RORA: variants seen among roughly 807,000 people sequenced by gnomAD.
RORA encodes nuclear receptor ROR-alpha.
RORA carries 7 observed loss-of-function variants against 69.5 expected under a neutral mutation model. That is an observed-to-expected ratio of 0.10 (90% confidence interval 0.06 to 0.19). The LOEUF (loss-of-function observed/expected upper bound fraction) is 0.19. Among genes scored for constraint, RORA ranks in the 10% least tolerant of loss-of-function variants. The pLI, the probability that RORA is intolerant of heterozygous loss-of-function variation, is 1.00. For synonymous variants in RORA, 261 were observed against 240.8 expected, an observed-to-expected ratio of 1.08 and a Z score of -0.78; for missense variants, 457 against 663.0, an observed-to-expected ratio of 0.69 and a Z score of 3.41.
At chr15:60,621,288 T>G (rs1378177498) in intron 2 of RORA, among the ~76,000 whole-genome samples, 2 of 152,184 alleles carry the variant, frequency 1.3e-5, no homozygotes, top group African/African-American at 4.8e-5. Context: ...CCATCCATTT[T>G]TTAACAAACA....
At chr15:61,085,132 A>G (rs1039778953) in intron 1 of RORA, among the ~76,000 whole-genome samples, 1 of 152,162 alleles carries the variant, frequency 6.6e-6, no homozygotes, top group East Asian at 1.9e-4. Flanking sequence ...AGGCTTTTAA[A>G]CAGAGAGAGA....
At chr15:60,815,285 A>G (rs184127731) in intron 1 of RORA, among the ~76,000 whole-genome samples, 1 of 152,250 alleles carries the variant, frequency 6.6e-6, no homozygotes, top group Admixed American at 6.5e-5. Context: ...CATTTAAGGA[A>G]CTGTATTAGA....
chr15:61,013,344 G>A (rs905967361), intron 1 of RORA, among the ~76,000 whole-genome samples: 2 of 152,168 alleles, frequency 1.3e-5, no homozygotes, highest in African/African-American at 2.4e-5. Flanking sequence ...GACAGAGACC[G>A]CATGGCCCAT....
Position 60,841,885 on chromosome 15 carries a change from A to C in RORA, c.167-163199T>G, listed in dbSNP as rs118053081. ...CCTTTTTGAGAAAAGCAGGATACAA[A>C]TGAATCAATGTGCCAAGCAGTGCCC... On this transcript the variant is annotated intron_variant, in intron 1 of 10. Coordinates refer to ENST00000335670, the MANE Select transcript of RORA (RefSeq NM_134261.3). 4.6e-5 allele frequency among the ~76,000 whole-genome samples: 7 copies of C among 152,314 alleles called. No homozygotes were observed. The East Asian group carries it at 1.4e-3, about 29-fold the overall frequency.
chr15:60,911,343 C>G (rs147029985), intron 1 of RORA, among the ~76,000 whole-genome samples: 1 of 152,070 alleles, frequency 6.6e-6, no homozygotes, highest in Non-Finnish European at 1.5e-5. Flanking sequence ...CTTCAACACA[C>G]CTTCTGCTCT....
rs2073401698 is a variant in RORA, at chr15:60,858,294, A to G, written c.167-179608T>C. Among the ~76,000 whole-genome samples the G allele has an allele frequency of 2.0e-5, 3 of 152,174 alleles. No homozygotes were observed. In the South Asian group the frequency reaches 6.2e-4, roughly 32 times the overall value. On this transcript the variant is annotated intron_variant, in intron 1 of 10. Coordinates refer to ENST00000335670, the MANE Select transcript of RORA (RefSeq NM_134261.3). ...GATAGGTGGAAGGCTTGTGGGTGAG[A>G]GCTGTGTACACTTCTAAGCAAGTTT... is the stretch of plus-strand genomic sequence containing the variant.
intron 2 of RORA, among the ~76,000 whole-genome samples, chr15:60,650,468 C>T (rs1040600050): frequency 6.6e-6 from 1 of 152,146 alleles, no homozygotes; most frequent in East Asian, 1.9e-4. Context: ...GGGGAAAGCA[C>T]GATGGTTCAC....
chr15:60,570,261 G>A (rs925989874), intron 2 of RORA, among the ~76,000 whole-genome samples: 3 of 152,146 alleles, frequency 2.0e-5, no homozygotes, highest in Admixed American at 6.5e-5. Flanking sequence ...ATATGGTACC[G>A]TATTAACAAG....
At chr15:61,050,839 GGGTGAGGAAACCAA>G (rs984125570) in intron 1 of RORA, among the ~76,000 whole-genome samples, 6 of 152,168 alleles carry the variant, frequency 3.9e-5, no homozygotes, top group African/African-American at 1.4e-4. Flanking sequence ...CCCAGTTTAT[GGGTGAGGAAACCAA>G]GTCTTAGGTT....
intron 1 of RORA, among the ~76,000 whole-genome samples, chr15:61,032,446 T>C (rs1041536240): frequency 1.1e-4 from 17 of 152,204 alleles, no homozygotes; most frequent in African/African-American, 3.9e-4. Context: ...AAATTAAAAG[T>C]TGGTTTTCAA....
intron 1 of RORA, among the ~76,000 whole-genome samples, chr15:60,738,186 T>C (rs1012873435): frequency 1.3e-5 from 2 of 152,228 alleles, no homozygotes; most frequent in Non-Finnish European, 2.9e-5. Flanking sequence ...GCTTCAGCTA[T>C]AGCCAAACAT....
chr15:61,018,747 A>C (rs1895396380), intron 1 of RORA, among the ~76,000 whole-genome samples: 1 of 152,222 alleles, frequency 6.6e-6, no homozygotes, highest in Non-Finnish European at 1.5e-5. Context: ...AACACATATG[A>C]GTACGTATGT....
chr15:61,180,567 C>A (rs1013927963), intron 1 of RORA, among the ~76,000 whole-genome samples: 1 of 152,214 alleles, frequency 6.6e-6, no homozygotes, highest in Non-Finnish European at 1.5e-5. Flanking sequence ...GTTTGGACAA[C>A]ACCTCTTCCA....
intron 1 of RORA, among the ~76,000 whole-genome samples, chr15:60,790,025 C>A (rs341449): frequency 9.7e-4 from 148 of 152,318 alleles, no homozygotes; most frequent in African/African-American, 3.5e-3. Flanking sequence ...ATTTCCAAGA[C>A]TCACCTTCCT....
At chr15:60,873,923 A>T (rs1285834614) in intron 1 of RORA, among the ~76,000 whole-genome samples, 2 of 152,232 alleles carry the variant, frequency 1.3e-5, no homozygotes, top group East Asian at 3.8e-4. Flanking sequence ...AATGCAAAGC[A>T]GTCTGTCTAT....
rs114274379 is a variant in RORA, at chr15:60,750,633, A to G, written c.167-71947T>C. On this transcript the variant is annotated intron_variant, in intron 1 of 10. Transcript: ENST00000335670. ...AATCTTTCAAGGAGAGAGGACATCA[A>G]ACTGAGATTAGATTAGAGGAAAAAG... is the stretch of plus-strand genomic sequence containing the variant. 4.3e-3 allele frequency among the ~76,000 whole-genome samples: 658 copies of G among 152,338 alleles called. 6 individuals carry two copies. The highest frequency in any genetic ancestry group is 0.014 in the African/African-American group (601 of 41,580).
chr15:60,610,226 C>G (rs1169189921), intron 2 of RORA, among the ~76,000 whole-genome samples: 1 of 138,322 alleles, frequency 7.2e-6, no homozygotes, highest in Non-Finnish European at 1.6e-5. Context: ...ACACACACTA[C>G]ACACACACAG....
intron 1 of RORA, among the ~76,000 whole-genome samples, chr15:60,777,121 C>G (rs1421317965): frequency 6.6e-6 from 1 of 152,128 alleles, no homozygotes; most frequent in East Asian, 1.9e-4. Flanking sequence ...TCTAAAACAC[C>G]AGGAGCCCTT....
chr15:60,959,481 C>T (rs1274947392), intron 1 of RORA, among the ~76,000 whole-genome samples: 1 of 152,092 alleles, frequency 6.6e-6, no homozygotes, highest in African/African-American at 2.4e-5. Flanking sequence ...TCCTGAAACA[C>T]ACAAATGTTG....
Sources: gnomAD v4.1 joint callset for allele counts (sites outside exome capture counted in the v4.1 genomes callset) on GRCh38, gnomAD v4.1.1 for gene constraint, MANE v1.5 for transcripts, NCBI Gene and HGNC (gene_info 2026-07-23, HGNC 2026-07-21) for gene names.